IQSEC1: variants seen among roughly 807,000 people sequenced by gnomAD.
The protein encoded by IQSEC1 is IQ motif and Sec7 domain ArfGEF 1, also known as IQ motif and SEC7 domain-containing protein 1.
In IQSEC1, 31 loss-of-function variants were observed where a neutral mutation model predicts 91.0. That is an observed-to-expected ratio of 0.34 (90% CI 0.26 to 0.46). The LOEUF (loss-of-function observed/expected upper bound fraction) is 0.46. Among genes scored for constraint, IQSEC1 ranks in the 20% least tolerant of loss-of-function variants. The pLI, the probability that IQSEC1 is intolerant of heterozygous loss-of-function variation, is 1.00. For synonymous variants in IQSEC1, 699 were observed against 662.6 expected, an observed-to-expected ratio of 1.05 and a Z score of -0.84; for missense variants, 1,388 against 1,575.6, an observed-to-expected ratio of 0.88 and a Z score of 2.02.
At chr3:13,216,265 C>T (rs959853463) in intron 1 of IQSEC1, among the ~76,000 whole-genome samples, 3 of 152,248 alleles carry the variant, frequency 2.0e-5, no homozygotes, top group East Asian at 1.9e-4. Flanking sequence ...CAGCCAACAG[C>T]GCAGCTGTAG....
At chr3:13,220,817 G>A (rs962532142) in intron 1 of IQSEC1, among the ~76,000 whole-genome samples, 1 of 152,324 alleles carries the variant, frequency 6.6e-6, no homozygotes, top group African/African-American at 2.4e-5. Flanking sequence ...TTAACAGGCC[G>A]GCCAAACACT....
At position 12,941,711 on chromosome 3, in the gene IQSEC1, C is replaced by A. The variant is rs542614009; in HGVS notation, c.178G>T (p.Gly60Trp). The A allele has an allele frequency of 4.2e-5, 67 of 1,612,572 alleles. No homozygotes were observed. The highest frequency in any genetic ancestry group is 5.7e-5 in the Non-Finnish European group (67 of 1,179,968). The change falls in exon 2 of 14, where the codon GGG becomes TGG. Residue 60 changes from glycine (G) to tryptophan (W), a missense_variant. Coordinates refer to ENST00000613206, the MANE Select transcript of IQSEC1 (RefSeq NM_001134382.3). ...GGCCTCCGCGTGCGCTGCTGTTGCC[C>A]CGGCGGCCCCGAGTACAGCCCATAG... ...GAYGLYSGPP[G>W]QQQRTRRPKL...
chr3:13,052,510 T>G (rs1704728067), intron 1 of IQSEC1, among the ~76,000 whole-genome samples: 1 of 152,226 alleles, frequency 6.6e-6, no homozygotes, highest in Non-Finnish European at 1.5e-5. Context: ...CAAGTGTTCT[T>G]GGACCGGTGT....
chr3:13,132,169 A>G (rs934140537), intron 2 of IQSEC1, among the ~76,000 whole-genome samples: 4 of 152,232 alleles, frequency 2.6e-5, no homozygotes, highest in Admixed American at 2.6e-4. Flanking sequence ...TTGCATGGAA[A>G]CTATCTGATC....
chr3:12,947,612 C>T (rs931826574), intron 1 of IQSEC1, among the ~76,000 whole-genome samples: 5 of 152,234 alleles, frequency 3.3e-5, no homozygotes, highest in Admixed American at 3.3e-4. Context: ...GAGCAGGAGG[C>T]CTGCTCCTTC....
At chr3:13,082,945 C>T (rs1490449533) in intron 2 of IQSEC1, among the ~76,000 whole-genome samples, 1 of 152,246 alleles carries the variant, frequency 6.6e-6, no homozygotes, top group Admixed American at 6.5e-5. Context: ...CCCACACTCA[C>T]TGCTGGCTCC....
chr3:13,017,363 G>A lies in IQSEC1; in HGVS notation c.23+55629C>T, dbSNP rs115841628. ...TATCCCCAGGGTCTAGCCCGGGGCA[G>A]CAAACAATAGGTGCTCAGCAAACTA... On this transcript the variant is annotated intron_variant, in intron 1 of 13. Transcript: ENST00000613206. Among the ~76,000 whole-genome samples the A allele has an allele frequency of 1.1e-3, 171 of 152,368 alleles. 1 individual carries two copies. Among genetic ancestry groups the A allele is most frequent in the African/African-American group, 3.9e-3 (164 of 41,586 alleles).
chr3:13,281,753 A>C (rs1180840778), intron 1 of IQSEC1, among the ~76,000 whole-genome samples: 2 of 152,196 alleles, frequency 1.3e-5, no homozygotes, highest in Non-Finnish European at 2.9e-5. Context: ...ACTGTCCTGA[A>C]GCCCTGACCA....
At chr3:13,197,648 C>T (rs973576957) in intron 1 of IQSEC1, among the ~76,000 whole-genome samples, 1 of 152,172 alleles carries the variant, frequency 6.6e-6, no homozygotes, top group Non-Finnish European at 1.5e-5. Flanking sequence ...ATGCAGTAGT[C>T]GCTAGTCAGC....
At chr3:13,197,271 T>C (rs1477269312) in intron 1 of IQSEC1, among the ~76,000 whole-genome samples, 1 of 152,176 alleles carries the variant, frequency 6.6e-6, no homozygotes, top group African/African-American at 2.4e-5. Context: ...AATCAACATT[T>C]GCAGCCCCCA....
intron 1 of IQSEC1, among the ~76,000 whole-genome samples, chr3:12,946,754 C>T (rs1473566888): frequency 1.3e-5 from 2 of 152,162 alleles, no homozygotes; most frequent in African/African-American, 2.4e-5. Context: ...AGAAGCCAGT[C>T]ACCAACATGA....
At chr3:13,093,638 T>G (rs1310393143) in intron 2 of IQSEC1, among the ~76,000 whole-genome samples, 2 of 152,094 alleles carry the variant, frequency 1.3e-5, no homozygotes, top group East Asian at 3.9e-4. Context: ...GCACATGGGG[T>G]GTGTGGCAAA....
Position 13,207,242 on chromosome 3 carries a change from C to T in IQSEC1, c.273-43109G>A, listed in dbSNP as rs74745813. 2.7e-3 allele frequency among the ~76,000 whole-genome samples: 418 copies of T among 152,232 alleles called. 16 individuals carry two copies. The East Asian group carries it at 0.073, about 26-fold the overall frequency. Reference sequence around the variant, plus strand: ...TCTTGACCCTGACCTTCCCCACCTCCGCTCAAACCTTCCCACCAGATTCCT... The same window carrying T: ...TCTTGACCCTGACCTTCCCCACCTCTGCTCAAACCTTCCCACCAGATTCCT... On this transcript the variant is annotated intron_variant, in intron 1 of 15. Transcript: ENST00000648114. The surrounding 1 kb of genome is among the most constrained non-coding windows in gnomAD (Gnocchi z 4.8).
intron 2 of IQSEC1, among the ~76,000 whole-genome samples, chr3:13,088,193 C>T (rs938038751): frequency 1.3e-5 from 2 of 152,184 alleles, no homozygotes; most frequent in Non-Finnish European, 2.9e-5. Context: ...ACTGCTGAGT[C>T]CCCAGGGCTT....
At chr3:13,119,126 C>T (rs1222257861) in intron 2 of IQSEC1, among the ~76,000 whole-genome samples, 1 of 151,428 alleles carries the variant, frequency 6.6e-6, no homozygotes, top group East Asian at 1.9e-4. Context: ...TGTTTTGCAA[C>T]AATTTAAAAA....
At position 12,915,105 on chromosome 3, in the gene IQSEC1, C is replaced by T; in HGVS notation, c.2189G>A (p.Cys730Tyr). The change falls in exon 8 of 14, where the codon TGT (cysteine) becomes TAT (tyrosine). Residue 730 changes from cysteine to tyrosine, a missense_variant and splice_region_variant. By Grantham distance (194) the Cys-to-Tyr change is radical (BLOSUM62 -2). Around this residue, in one of 2 missense-constraint regions of IQSEC1, gnomAD observed 1,059 missense variants for 1,317.8 expected, o/e 0.80. Transcript: ENST00000613206. ...AGGTAAAACCAGAGAAATACTCACA[C>T]AGCCGAGCCCGGGATGCAGGGATCC... The part of the protein sequence containing the change: ...PIGSLHPGLG[C>Y]VLSLPHRRLV... 1 of 1,606,776 alleles carries T rather than the reference C, an allele frequency of 6.2e-7. No individual in the cohort carries two copies. The highest frequency in any genetic ancestry group is 8.5e-7 in the Non-Finnish European group (1 of 1,176,030).
At chr3:13,051,640 C>T (rs574267929) in intron 1 of IQSEC1, among the ~76,000 whole-genome samples, 4 of 152,150 alleles carry the variant, frequency 2.6e-5, no homozygotes, top group African/African-American at 9.7e-5. Context: ...AAAACCAAAC[C>T]GTCTGCCTCA....
At chr3:13,231,268 C>CGT (rs374429929) in intron 1 of IQSEC1, among the ~76,000 whole-genome samples, 16 of 152,188 alleles carry the variant, frequency 1.1e-4, no homozygotes, top group African/African-American at 3.9e-4. Flanking sequence ...AAGTCCCGTG[C>CGT]GTGTGTGTGT....
rs1267323503 is a variant in IQSEC1, at chr3:13,022,376, C to T, written c.23+50616G>A. 12 of 1,147,790 alleles carry T rather than the reference C, an allele frequency of 1.0e-5. 1 individual carries two copies. The highest frequency in any genetic ancestry group is 9.6e-5 in the Admixed American group (2 of 20,904). The allele number at this position is 1,147,790 out of a possible 1,614,324, so 71.1% of individuals were successfully genotyped here. A position where few individuals can be genotyped will look rare whatever the true frequency, so the allele number is the denominator to read the frequency against. ...GCTGCTCCAGACCCTCCTGGCCAAGCGGCCCTCACACACTAGACCCTGTGG... is the reference window on the plus strand; with the variant it reads ...GCTGCTCCAGACCCTCCTGGCCAAGTGGCCCTCACACACTAGACCCTGTGG... On this transcript the variant is annotated intron_variant, in intron 1 of 13. Transcript: ENST00000613206.
Sources: allele counts gnomAD v4.1 joint callset (sites outside exome capture counted in the v4.1 genomes callset), GRCh38; gene constraint gnomAD v4.1.1; regional missense constraint gnomAD v4.1.1; non-coding constraint Gnocchi (gnomAD v3.1); transcripts MANE v1.5; gene names NCBI Gene and HGNC (gene_info 2026-07-23, HGNC 2026-07-21).